The following ROBO1 variants were observed in gnomAD, a reference collection of about 807,000 sequenced individuals.
ROBO1 encodes roundabout guidance receptor 1.
ROBO1 carries 149 observed loss-of-function variants against 195.9 expected under a neutral mutation model. That is an observed-to-expected ratio of 0.76 (90% confidence interval 0.67 to 0.87). The LOEUF (loss-of-function observed/expected upper bound fraction) is 0.87, where lower values mean the gene tolerates loss of function less well. Ranked by LOEUF, ROBO1 falls within the 40% of genes least tolerant of loss-of-function variation. The pLI, the probability that ROBO1 is intolerant of heterozygous loss-of-function variation, is 0.00. For synonymous variants in ROBO1, 816 were observed against 733.2 expected, an observed-to-expected ratio of 1.11 and a Z score of -1.82; for missense variants, 1,933 against 2,068.3, an observed-to-expected ratio of 0.93 and a Z score of 1.27.
intron 4 of ROBO1, among the ~76,000 whole-genome samples, chr3:78,917,101 T>TTTG (rs1291327459): frequency 6.8e-6 from 1 of 147,012 alleles, no homozygotes; most frequent in Non-Finnish European, 1.5e-5. Flanking sequence ...TGTTTTTCGT[T>TTTG]TTTTTTTTTT....
intron 4 of ROBO1, among the ~76,000 whole-genome samples, chr3:78,790,452 C>T (rs375760744): frequency 1.3e-5 from 2 of 152,170 alleles, no homozygotes; most frequent in South Asian, 4.2e-4. Context: ...AAGCATTTAT[C>T]CTTTGTGTTA....
chr3:79,192,447 TA>T (rs1186577925), intron 2 of ROBO1, among the ~76,000 whole-genome samples: 1 of 151,546 alleles, frequency 6.6e-6, no homozygotes, highest in Non-Finnish European at 1.5e-5. Flanking sequence ...GGAAGAAAAT[TA>T]GGGGTAATTT....
intron 1 of ROBO1, among the ~76,000 whole-genome samples, chr3:79,590,647 G>A (rs997890275): frequency 4.0e-5 from 6 of 151,728 alleles, no homozygotes; most frequent in African/African-American, 1.4e-4. Flanking sequence ...AATTGATCAA[G>A]CTTATATGGA....
intron 3 of ROBO1, chr3:79,018,825 C>G: frequency 5.9e-6 from 6 of 1,015,092 alleles, no homozygotes; most frequent in Non-Finnish European, 7.1e-6. Flanking sequence ...CCACAATGTG[C>G]GGCCGAGCGC....
intron 1 of ROBO1, among the ~76,000 whole-genome samples, chr3:79,608,100 A>G (rs1378219928): frequency 6.6e-6 from 1 of 152,042 alleles, no homozygotes; most frequent in Non-Finnish European, 1.5e-5. Context: ...AAGTATAGAC[A>G]GTCCTGGGTA....
intron 4 of ROBO1, among the ~76,000 whole-genome samples, chr3:78,816,164 T>C (rs1261586927): frequency 6.6e-6 from 1 of 152,188 alleles, no homozygotes; most frequent in Non-Finnish European, 1.5e-5. Flanking sequence ...AAGCCAATGT[T>C]CATTTACCAT....
At chr3:78,948,303 A>C (rs529242150) in intron 3 of ROBO1, among the ~76,000 whole-genome samples, 1 of 152,150 alleles carries the variant, frequency 6.6e-6, no homozygotes, top group Non-Finnish European at 1.5e-5. Context: ...GCAAATCAAA[A>C]AGCTTATCCA....
chr3:79,331,661 A>C (rs1347678969), intron 2 of ROBO1, among the ~76,000 whole-genome samples: 1 of 152,148 alleles, frequency 6.6e-6, no homozygotes, highest in Non-Finnish European at 1.5e-5. Context: ...ATTGCAGAAA[A>C]AAAGTGTGTC....
intron 2 of ROBO1, among the ~76,000 whole-genome samples, chr3:79,349,364 GT>G (rs1163712584): frequency 6.6e-6 from 1 of 152,098 alleles, no homozygotes; most frequent in Admixed American, 6.6e-5. Context: ...ACCTAATATT[GT>G]TAAGATGGCA....
At chr3:78,715,983 G>C (rs887778011) in intron 7 of ROBO1, among the ~76,000 whole-genome samples, 1 of 152,108 alleles carries the variant, frequency 6.6e-6, no homozygotes, top group African/African-American at 2.4e-5. Flanking sequence ...TAAATCCTAT[G>C]CCCTACCTAG....
At position 78,717,392 on chromosome 3, in the gene ROBO1, C is replaced by T; in HGVS notation, c.800G>A (p.Arg267Lys). 6.2e-7 allele frequency: 1 copy of T among 1,613,476 alleles called. No homozygotes were observed. The highest frequency in any genetic ancestry group is 1.1e-5 in the South Asian group (1 of 91,076). Residue 267 changes from arginine to lysine, a missense_variant, in exon 7 of 31, where the codon AGA becomes AAA. Arg to Lys is a conservative substitution (Grantham distance 26, BLOSUM62 2). This residue lies in a region of ROBO1 where 1,737 missense variants were observed against 1,882.5 expected (regional missense o/e 0.92). Coordinates refer to ENST00000464233, the MANE Select transcript of ROBO1 (RefSeq NM_002941.4). ...CACAGTTACTGCCAAGTTACTGGGT[C>T]TCTTCACAAATGATGGTCTCTCTAA... ...TVLERPSFVK[R>K]PSNLAVTVDD...
rs537232940 is a variant in ROBO1 at position 79,290,882 on chromosome 3, C to G, written c.89-165343G>C. Among the ~76,000 whole-genome samples the G allele has an allele frequency of 2.2e-4, 34 of 152,210 alleles. No homozygotes were observed. The South Asian group carries it at 6.6e-3, about 30-fold the overall frequency. ...CCCTATGCTGTCATCTAATTCTCTCCAGGTCACTACCCACATTATCAGAAG... is the reference window on the plus strand; with the variant it reads ...CCCTATGCTGTCATCTAATTCTCTCGAGGTCACTACCCACATTATCAGAAG... On this transcript the variant is annotated intron_variant, in intron 2 of 30. Transcript: ENST00000464233.
intron 4 of ROBO1, among the ~76,000 whole-genome samples, chr3:78,811,094 G>A (rs1227317664): frequency 6.6e-6 from 1 of 152,004 alleles, no homozygotes; most frequent in Non-Finnish European, 1.5e-5. Context: ...TCATTTTTAA[G>A]GACTGTTCTC....
chr3:79,373,434 A>C (rs189522520), intron 2 of ROBO1, among the ~76,000 whole-genome samples: 1 of 152,320 alleles, frequency 6.6e-6, no homozygotes, highest in Admixed American at 6.5e-5. Context: ...GACTGCCCTA[A>C]TTCTAAACAG....
intron 7 of ROBO1, among the ~76,000 whole-genome samples, chr3:78,715,592 C>T (rs546984754): frequency 1.1e-4 from 16 of 152,252 alleles, no homozygotes; most frequent in African/African-American, 3.1e-4. Context: ...AGTGTAGTGG[C>T]GCAATCTCGG....
At chr3:78,627,280 A>G in intron 26 of ROBO1, 41 bp downstream of exon 26, 1 of 1,590,804 alleles carries the variant, frequency 6.3e-7, no homozygotes, top group Non-Finnish European at 8.6e-7. Context: ...AGGAGTAGAA[A>G]TTATCTGATT....
chr3:79,266,306 A>G (rs1416677662), intron 2 of ROBO1, among the ~76,000 whole-genome samples: 1 of 151,644 alleles, frequency 6.6e-6, no homozygotes, highest in Non-Finnish European at 1.5e-5. Flanking sequence ...AATGATATTT[A>G]TTTATACAAA....
chr3:79,482,100 G>A (rs913489720), intron 2 of ROBO1, among the ~76,000 whole-genome samples: 9 of 151,870 alleles, frequency 5.9e-5, no homozygotes, highest in East Asian at 5.8e-4. Context: ...TTTACGTCTC[G>A]TGTACTTTGT....
At chr3:78,771,063 T>C (rs1168518717) in intron 4 of ROBO1, among the ~76,000 whole-genome samples, 2 of 151,146 alleles carry the variant, frequency 1.3e-5, no homozygotes, top group African/African-American at 4.9e-5. Context: ...TAAGACCCCA[T>C]ATCAAAAAAA....
Sources: allele counts gnomAD v4.1 joint callset (sites outside exome capture counted in the v4.1 genomes callset), GRCh38; gene constraint gnomAD v4.1.1; regional missense constraint gnomAD v4.1.1; transcripts MANE v1.5; gene names NCBI Gene and HGNC (gene_info 2026-07-23, HGNC 2026-07-21).